FAM234A: variants seen among roughly 807,000 people sequenced by gnomAD.
FAM234A encodes the protein family with sequence similarity 234 member A, also known as protein FAM234A.
FAM234A carries 42 observed loss-of-function variants against 49.1 expected under a neutral mutation model. The ratio of observed to expected loss-of-function variants is 0.86; its 90% confidence interval spans 0.67 to 1.11. FAM234A has a LOEUF of 1.11. Ranked by LOEUF, FAM234A falls within the 50% of genes least tolerant of loss-of-function variation. FAM234A has a pLI of 0.00. For missense variants in FAM234A, 815 were observed against 745.2 expected (o/e 1.09, Z -1.09); for synonymous variants, 369 against 316.2 (o/e 1.17, Z -1.77).
At chr16:237,950 C>T (rs560660596) in intron 1 of FAM234A, among the ~76,000 whole-genome samples, 1 of 152,030 alleles carries the variant, frequency 6.6e-6, no homozygotes, top group African/African-American at 2.4e-5. Flanking sequence ...GTGATCCTCC[C>T]GCCTCGGCCT....
intron 1 of FAM234A, among the ~76,000 whole-genome samples, chr16:235,430 C>G (rs2050364883): frequency 6.6e-6 from 1 of 152,168 alleles, no homozygotes; most frequent in African/African-American, 2.4e-5. Context: ...GAACACAAAA[C>G]AGAGGCTAGA....
chr16:257,459 T>A (rs1404758185), intron 3 of FAM234A, among the ~76,000 whole-genome samples: 3 of 151,922 alleles, frequency 2.0e-5, no homozygotes, highest in African/African-American at 7.2e-5. Flanking sequence ...TTGGCCAGGC[T>A]GGTCTCAAAC....
intron 8 of FAM234A, 25 bp downstream of exon 8, chr16:262,578 C>T: frequency 6.4e-7 from 1 of 1,554,000 alleles, no homozygotes; most frequent in African/African-American, 1.4e-5. Flanking sequence ...CAGCCTTTCT[C>T]CATGCAGAGC....
chr16:244,556 C>T (rs976166969), intron 1 of FAM234A, among the ~76,000 whole-genome samples: 2 of 152,058 alleles, frequency 1.3e-5, no homozygotes, highest in African/African-American at 2.4e-5. Flanking sequence ...CCCTTACTAA[C>T]GGTTTTCTTT....
chr16:236,647 C>G (rs1210714746), intron 1 of FAM234A, among the ~76,000 whole-genome samples: 1 of 150,780 alleles, frequency 6.6e-6, no homozygotes, highest in Non-Finnish European at 1.5e-5. Flanking sequence ...TGGCTCACGC[C>G]TGTAATCCCA....
intron 9 of FAM234A, 86 bp from the exon 10 acceptor site, chr16:263,614 G>A: frequency 7.6e-7 from 1 of 1,308,750 alleles, no homozygotes; most frequent in Non-Finnish European, 1.1e-6. Context: ...ATGGGAGACT[G>A]AGGGGCGGAC....
Position 264,142 on chromosome 16 carries a change from C to A in FAM234A, c.1315C>A (p.Leu439Ile), listed in dbSNP as rs1447878738. Residue 439 changes from leucine to isoleucine, a missense_variant, in exon 11 of 13, where the codon CTC (leucine) becomes ATC (isoleucine). Coordinates refer to ENST00000399932, the MANE Select transcript of FAM234A (RefSeq NM_032039.4). The stretch of plus-strand genomic sequence containing the variant: ...CCGCTCAGCCTTCTTCTTCTGGGGC[C>A]TCCACGAGCTGGGGAGCACCAGCGA... ...DHRSAFFFWGLHELGSTSETE... is the reference protein window; with the variant it reads ...DHRSAFFFWGIHELGSTSETE... 6.2e-7 allele frequency: 1 copy of A among 1,607,052 alleles called. No homozygotes were observed. Among genetic ancestry groups the A allele is most frequent in the Admixed American group, 1.7e-5 (1 of 59,600 alleles).
In FAM234A at chr16:261,439, C is replaced by T; in HGVS notation, c.633C>T (p.Ser211=). Residue 211 remains serine (S), a synonymous_variant, in exon 6 of 13, where the codon AGC becomes AGT. Transcript: ENST00000399932. ...SSFSGNASIL[S]PLLQVPDVDG... ...TCAGCGGGAATGCGTCCATCCTGAG[C>T]CCTCTGCTGCAGGTGCCTGATGTGG... 1 of 1,613,606 alleles carries T rather than the reference C, an allele frequency of 6.2e-7. No homozygotes were observed. The highest frequency in any genetic ancestry group is 1.3e-5 in the African/African-American group (1 of 75,064).
downstream of FAM234A, among the ~76,000 whole-genome samples, chr16:266,833 G>A (rs2051706012): frequency 6.6e-6 from 1 of 152,180 alleles, no homozygotes; most frequent in Non-Finnish European, 1.5e-5. Flanking sequence ...CGGGCAGGGT[G>A]GGGCTGGAGG....
chr16:238,765 CAAAAAAAAAAAAA>C (rs34366851), intron 1 of FAM234A, among the ~76,000 whole-genome samples: 2 of 37,898 alleles, frequency 5.3e-5, no homozygotes, highest in East Asian at 7.0e-4. Flanking sequence ...GACTCCGTCT[CAAAAAAAAAAAAA>C]AAAAAAAAGA....
rs13335497 is a variant in FAM234A at position 260,006 on chromosome 16, G to C, written c.423G>C (p.Ser141=). The change falls in exon 5 of 13, where the codon TCG becomes TCC. Residue 141 remains serine, a synonymous_variant. Coordinates refer to ENST00000399932, the MANE Select transcript of FAM234A (RefSeq NM_032039.4). The part of the protein sequence containing the change: ...SSPCTFAAAV[S]GANGSTLWER... ...CCTGCACCTTTGCAGCTGCTGTGTC[G>C]GGGGCCAACGGCAGCACGCTCTGGG... The C allele has an allele frequency of 1.2e-6, 2 of 1,613,410 alleles. No individual in the cohort carries two copies. Among genetic ancestry groups the C allele is most frequent in the East Asian group, 2.2e-5 (1 of 44,884 alleles).
At chr16:235,767 C>T (rs539170773) in intron 1 of FAM234A, among the ~76,000 whole-genome samples, 1 of 152,146 alleles carries the variant, frequency 6.6e-6, no homozygotes, top group Non-Finnish European at 1.5e-5. Context: ...GTTGTAGGAG[C>T]TAAGGATATA....
intron 4 of FAM234A, 107 bp from the exon 5 acceptor site, chr16:259,862 C>A: frequency 9.8e-7 from 1 of 1,024,364 alleles, no homozygotes; most frequent in East Asian, 2.4e-5. Context: ...GGGGCTGTGG[C>A]CTAGGAGAGG....
chr16:263,968 T>C, intron 10 of FAM234A, 48 bp from the exon 11 acceptor site: 1 of 1,583,330 alleles, frequency 6.3e-7, no homozygotes, highest in Non-Finnish European at 8.6e-7. Flanking sequence ...CTCGAGCTTT[T>C]CCCGGTAGCC....
At chr16:235,996 T>A (rs1314051975) in intron 1 of FAM234A, among the ~76,000 whole-genome samples, 1 of 151,326 alleles carries the variant, frequency 6.6e-6, no homozygotes, top group African/African-American at 2.4e-5. Context: ...CTACTAAAAA[T>A]AAAAAAATTA....
chr16:258,974 G>C (rs773342416), intron 3 of FAM234A, among the ~76,000 whole-genome samples: 4 of 152,152 alleles, frequency 2.6e-5, no homozygotes, highest in Non-Finnish European at 4.4e-5. Flanking sequence ...AGTAGAGACA[G>C]GGTTTCACAC....
chr16:266,956 C>T (rs138329993), downstream of FAM234A, among the ~76,000 whole-genome samples: 168 of 152,176 alleles, frequency 1.1e-3, 1 homozygote, highest in African/African-American at 2.5e-3. Context: ...GCAGCTGTGC[C>T]CCTGGCCATG....
chr16:238,909 C>T (rs2050509751), intron 1 of FAM234A, among the ~76,000 whole-genome samples: 1 of 148,004 alleles, frequency 6.8e-6, no homozygotes, highest in Non-Finnish European at 1.5e-5. Flanking sequence ...ATGGTGAAAC[C>T]CCATCTCTAC....
At chr16:251,194 A>G (rs371365583) in intron 2 of FAM234A, among the ~76,000 whole-genome samples, 3 of 152,004 alleles carry the variant, frequency 2.0e-5, no homozygotes, top group Non-Finnish European at 4.4e-5. Flanking sequence ...CTGACCTCGT[A>G]ATCCTCCCGC....
Sources: allele counts gnomAD v4.1 joint callset (sites outside exome capture counted in the v4.1 genomes callset), GRCh38; gene constraint gnomAD v4.1.1; transcripts MANE v1.5; gene names NCBI Gene and HGNC (gene_info 2026-07-23, HGNC 2026-07-21).